Variants in RIMS2 observed in about 807,000 individuals in gnomAD.
The protein encoded by RIMS2 is regulating synaptic membrane exocytosis 2.
In RIMS2, 59 loss-of-function variants were observed where a neutral mutation model predicts 174.4. That is an observed-to-expected ratio of 0.34 (90% confidence interval 0.27 to 0.42). The LOEUF (loss-of-function observed/expected upper bound fraction) is 0.42, where lower values mean the gene tolerates loss of function less well. Among genes scored for constraint, RIMS2 ranks in the 10% least tolerant of loss-of-function variants. The pLI is 1.00. For synonymous variants in RIMS2, 606 were observed against 572.5 expected, an observed-to-expected ratio of 1.06 and a Z score of -0.84; for missense variants, 1,620 against 1,666.3, an observed-to-expected ratio of 0.97 and a Z score of 0.48.
chr8:103,920,342 G>T (rs2077366823), intron 9 of RIMS2, among the ~76,000 whole-genome samples: 2 of 151,962 alleles, frequency 1.3e-5, no homozygotes, highest in Admixed American at 1.3e-4. Flanking sequence ...AATACATTCT[G>T]TTGTGTCTTC....
chr8:104,223,267 C>G (rs1220043846), intron 19 of RIMS2: 3 of 670,948 alleles, frequency 4.5e-6, no homozygotes, highest in East Asian at 1.2e-4. Context: ...GCCACCTCCC[C>G]CTCCGGCCGC....
chr8:104,013,620 A>T, exon 18 of RIMS2: 1 of 1,612,800 alleles, frequency 6.2e-7, no homozygotes, highest in Non-Finnish European at 8.5e-7. Flanking sequence ...TGCCTTATCG[A>T]GGTGAAAGAT....
chr8:104,111,411 CGTTT>C (rs1203394475), intron 19 of RIMS2, among the ~76,000 whole-genome samples: 1 of 151,716 alleles, frequency 6.6e-6, no homozygotes, highest in Non-Finnish European at 1.5e-5. Flanking sequence ...TCTTTTTGTG[CGTTT>C]GTTTGTTTTT....
intron 2 of RIMS2, among the ~76,000 whole-genome samples, chr8:103,725,333 G>T (rs940781890): frequency 2.0e-5 from 3 of 152,038 alleles, no homozygotes; most frequent in African/African-American, 7.3e-5. Context: ...ACCACATCAA[G>T]ATATATATTA....
At chr8:104,138,413 T>G (rs991540186) in intron 19 of RIMS2, among the ~76,000 whole-genome samples, 1 of 152,196 alleles carries the variant, frequency 6.6e-6, no homozygotes, top group Non-Finnish European at 1.5e-5. Context: ...AGGGTTCCCT[T>G]TTTTGCACAT....
chr8:103,525,929 G>A (rs1249384112), intron 1 of RIMS2, among the ~76,000 whole-genome samples: 3 of 152,204 alleles, frequency 2.0e-5, no homozygotes, highest in Non-Finnish European at 4.4e-5. Context: ...GTTCGTATCA[G>A]AGAGCTAACA....
chr8:104,159,782 T>G (rs1247712988), intron 19 of RIMS2, among the ~76,000 whole-genome samples: 7 of 151,976 alleles, frequency 4.6e-5, no homozygotes, highest in Non-Finnish European at 7.4e-5. Flanking sequence ...TTCCAGGGGG[T>G]TTTTGTTGAG....
At chr8:103,987,423 T>C (rs968687600) in intron 16 of RIMS2, among the ~76,000 whole-genome samples, 3 of 152,176 alleles carry the variant, frequency 2.0e-5, no homozygotes, top group Admixed American at 6.6e-5. Flanking sequence ...ATAAATCTTA[T>C]CAGAGGCAGA....
chr8:103,584,873 G>C (rs2093819247), intron 1 of RIMS2, among the ~76,000 whole-genome samples: 1 of 152,052 alleles, frequency 6.6e-6, no homozygotes, highest in South Asian at 2.1e-4. Context: ...GCAGGAGTAA[G>C]CCCTTACTTA....
chr8:104,128,639 GTGAGCCAA>G, intron 19 of RIMS2, among the ~76,000 whole-genome samples: 1 of 152,144 alleles, frequency 6.6e-6, no homozygotes, highest in African/African-American at 2.4e-5. Context: ...GGAGGTTGCG[GTGAGCCAA>G]GATCGCGCCA....
chr8:104,234,630 G>A (rs189217015), intron 19 of RIMS2, among the ~76,000 whole-genome samples: 1 of 152,212 alleles, frequency 6.6e-6, no homozygotes, highest in East Asian at 1.9e-4. Context: ...GTATTTAAAT[G>A]TGTTAAGAAT....
At chr8:103,734,078 T>A (rs2097650647) in intron 2 of RIMS2, among the ~76,000 whole-genome samples, 1 of 146,414 alleles carries the variant, frequency 6.8e-6, no homozygotes, top group Non-Finnish European at 1.5e-5. Context: ...AGTGGTGTGA[T>A]CTTTGCTCAC....
intron 1 of RIMS2, among the ~76,000 whole-genome samples, chr8:103,574,231 A>G (rs1264918762): frequency 1.3e-5 from 2 of 152,178 alleles, no homozygotes; most frequent in Non-Finnish European, 2.9e-5. Flanking sequence ...TGGATATCAT[A>G]TTTGCCCTAG....
intron 1 of RIMS2, among the ~76,000 whole-genome samples, chr8:103,619,294 T>A (rs1288929748): frequency 6.6e-6 from 1 of 152,000 alleles, no homozygotes; most frequent in Non-Finnish European, 1.5e-5. Context: ...TTGTATTTTT[T>A]AAAAACTAAG....
intron 1 of RIMS2, among the ~76,000 whole-genome samples, chr8:103,667,117 T>A (rs2096680730): frequency 6.6e-6 from 1 of 152,212 alleles, no homozygotes; most frequent in Admixed American, 6.5e-5. Flanking sequence ...GACCAAAGAA[T>A]AAGCTAGATA....
At chr8:103,600,392 C>A (rs904234024) in intron 1 of RIMS2, among the ~76,000 whole-genome samples, 33 of 152,132 alleles carry the variant, frequency 2.2e-4, no homozygotes, top group African/African-American at 7.7e-4. Context: ...GCCTCAGCAT[C>A]CTGAGTAGCT....
intron 1 of RIMS2, among the ~76,000 whole-genome samples, chr8:103,562,769 C>T (rs913849997): frequency 6.6e-6 from 1 of 152,168 alleles, no homozygotes; most frequent in African/African-American, 2.4e-5. Context: ...TCTATGAGGG[C>T]CCCGTCCCTG....
intron 19 of RIMS2, among the ~76,000 whole-genome samples, chr8:104,080,567 T>A (rs1346725986): frequency 6.6e-6 from 1 of 152,106 alleles, no homozygotes; most frequent in East Asian, 1.9e-4. Flanking sequence ...ATGAAGTAAT[T>A]GATAATTAAG....
At chr8:103,617,627 T>C (rs2095536410) in intron 1 of RIMS2, among the ~76,000 whole-genome samples, 1 of 152,092 alleles carries the variant, frequency 6.6e-6, no homozygotes, top group Non-Finnish European at 1.5e-5. Context: ...AAGTCTAATA[T>C]TCATCATCTA....
Sources: allele counts gnomAD v4.1 joint callset (sites outside exome capture counted in the v4.1 genomes callset), GRCh38; gene constraint gnomAD v4.1.1; transcripts MANE v1.5; gene names NCBI Gene and HGNC (gene_info 2026-07-23, HGNC 2026-07-21).